Variants in CLEC17A observed in about 807,000 individuals in gnomAD.
CLEC17A encodes C-type lectin domain containing 17A.
Under a neutral mutation model 61.3 loss-of-function variants are expected in CLEC17A, and 37 were observed. The observed-to-expected ratio is 0.60, with a 90% CI of 0.46 to 0.79. The LOEUF is 0.79. Ranked by LOEUF, CLEC17A falls within the 30% of genes least tolerant of loss-of-function variation. The pLI, the probability that CLEC17A is intolerant of heterozygous loss-of-function variation, is 0.00. For synonymous variants in CLEC17A, 168 were observed against 164.9 expected (o/e 1.02, Z -0.14); for missense variants, 418 against 464.7 (o/e 0.90, Z 0.92).
chr19:14,596,760 G>C (rs1599551083), intron 8 of CLEC17A, 116 bp from the exon 9 acceptor site: 2 of 1,244,700 alleles, frequency 1.6e-6, no homozygotes, highest in East Asian at 2.5e-5. Context: ...TTCATCTGCT[G>C]AAACAGTCAT....
At chr19:14,599,944 T>C in intron 11 of CLEC17A, 87 bp from the exon 12 acceptor site, 3 of 1,550,690 alleles carry the variant, frequency 1.9e-6, no homozygotes, top group Non-Finnish European at 2.6e-6. Flanking sequence ...AGTTGAGCAG[T>C]GTACAGCCTG....
chr19:14,591,672 G>C (rs1385013726), intron 3 of CLEC17A, among the ~76,000 whole-genome samples: 2 of 151,688 alleles, frequency 1.3e-5, no homozygotes, highest in Non-Finnish European at 2.9e-5. Flanking sequence ...ACCTGCCTCA[G>C]CCTCACAAGT....
intron 13 of CLEC17A, 107 bp downstream of exon 13, chr19:14,607,209 C>CTTT (rs796728273): frequency 2.0e-4 from 59 of 300,124 alleles, no homozygotes; most frequent in Middle Eastern, 1.0e-3. Flanking sequence ...GGAGCTGTTT[C>CTTT]TTTTTTTTTT....
intron 12 of CLEC17A, among the ~76,000 whole-genome samples, chr19:14,601,120 C>T (rs1333677784): frequency 1.3e-5 from 2 of 151,472 alleles, no homozygotes. Context: ...CCAGGCTGTT[C>T]TCGAACTCCT....
At position 14,600,048 on chromosome 19, in the gene CLEC17A, T is replaced by C; in HGVS notation, c.760T>C (p.Cys254Arg). Residue 254 changes from cysteine to arginine, a missense_variant, in exon 12 of 14, where the codon TGT becomes CGT. Cys to Arg is a radical substitution (Grantham distance 180, BLOSUM62 -3). Transcript: ENST00000417570. ...WGLLDCRRIT[C>R]PEGWLPFEGK... Reference sequence around the variant, plus strand: ...GTTCCCAGACTGCCGCCGAATTACCTGTCCTGAAGGCTGGCTGCCCTTTGA... The same window carrying C: ...GTTCCCAGACTGCCGCCGAATTACCCGTCCTGAAGGCTGGCTGCCCTTTGA... 6.2e-7 allele frequency: 1 copy of C among 1,614,012 alleles called. No individual in the cohort carries two copies. The highest frequency in any genetic ancestry group is 8.5e-7 in the Non-Finnish European group (1 of 1,179,876).
At chr19:14,590,549 G>A (rs1420762127) in intron 3 of CLEC17A, among the ~76,000 whole-genome samples, 1 of 151,938 alleles carries the variant, frequency 6.6e-6, no homozygotes, top group Admixed American at 6.6e-5. Flanking sequence ...CACCGTGCCC[G>A]GCTAATTTTG....
intron 13 of CLEC17A, 120 bp from the exon 14 acceptor site, chr19:14,609,944 C>T (rs910410803): frequency 5.6e-5 from 39 of 701,766 alleles, no homozygotes; most frequent in Non-Finnish European, 8.5e-5. Flanking sequence ...GCTCCACACA[C>T]GGCCTAATAT....
Position 14,610,048 on chromosome 19 carries a change from T to C in CLEC17A, c.1005-16T>C. On this transcript the variant is annotated splice_polypyrimidine_tract_variant and intron_variant, in intron 13 of 13. Transcript: ENST00000417570. ...TAAAGATCCCTGTCCCTCTGCCCACTTTTTCCTCCATCCAGCTTCTGGGAG... is the reference window on the plus strand; with the variant it reads ...TAAAGATCCCTGTCCCTCTGCCCACCTTTTCCTCCATCCAGCTTCTGGGAG... 1 of 1,604,528 alleles carries C rather than the reference T, an allele frequency of 6.2e-7. No homozygotes were observed. The highest frequency in any genetic ancestry group is 1.1e-5 in the South Asian group (1 of 90,634).
chr19:14,590,882 G>T (rs1350486071), intron 3 of CLEC17A, among the ~76,000 whole-genome samples: 3 of 146,876 alleles, frequency 2.0e-5, no homozygotes, highest in Non-Finnish European at 4.5e-5. Flanking sequence ...TTTTTTTACA[G>T]AGATAGGGTC....
chr19:14,602,982 G>T (rs1288852776), intron 12 of CLEC17A, among the ~76,000 whole-genome samples: 2 of 152,140 alleles, frequency 1.3e-5, no homozygotes, highest in Non-Finnish European at 2.9e-5. Flanking sequence ...TGATCCACCT[G>T]CCTTGGCCTC....
rs763686899 is a variant in CLEC17A, at chr19:14,600,065, G to T, written c.777G>T (p.Leu259=). 5.6e-6 allele frequency: 9 copies of T among 1,613,914 alleles called. No individual in the cohort carries two copies. Among genetic ancestry groups the T allele is most frequent in the Admixed American group, 1.7e-5 (1 of 59,998 alleles). The change falls in exon 12 of 14, where the codon CTG becomes CTT. Residue 259 remains leucine (L), a synonymous_variant. Transcript: ENST00000417570. ...GAATTACCTGTCCTGAAGGCTGGCT[G>T]CCCTTTGAGGGCAAGTGTTACTACT... is the stretch of plus-strand genomic sequence containing the variant. ...CRRITCPEGW[L]PFEGKCYYFS... is the part of the protein sequence containing the mutation.
intron 12 of CLEC17A, among the ~76,000 whole-genome samples, chr19:14,600,723 A>G (rs2074685187): frequency 6.6e-6 from 1 of 150,742 alleles, no homozygotes; most frequent in South Asian, 2.1e-4. Context: ...CTGGGACTAC[A>G]GGTGCCCACC....
intron 12 of CLEC17A, among the ~76,000 whole-genome samples, chr19:14,605,512 C>T (rs917790648): frequency 2.6e-5 from 4 of 152,272 alleles, no homozygotes; most frequent in Middle Eastern, 3.4e-3. Context: ...TTGACAAATG[C>T]GTACACCTGT....
chr19:14,610,406 T>G lies in CLEC17A; in HGVS notation c.*210T>G, dbSNP rs988382773. On this transcript the variant is annotated 3_prime_UTR_variant, in exon 14 of 14. Coordinates refer to ENST00000417570, the MANE Select transcript of CLEC17A (RefSeq NM_001204118.2). ...GGGCTTGCCCTAGTAGATGGTGAGCTGGGAGGATGCTCAGAGCTTGGTGGT... is the reference window on the plus strand; with the variant it reads ...GGGCTTGCCCTAGTAGATGGTGAGCGGGGAGGATGCTCAGAGCTTGGTGGT... 1 of 607,994 alleles carries G rather than the reference T, an allele frequency of 1.6e-6. No homozygotes were observed. Among genetic ancestry groups the G allele is most frequent in the Non-Finnish European group, 2.8e-6 (1 of 352,794 alleles). 37.7% of individuals were successfully genotyped at this position (607,994 alleles called of 1,614,324 possible).
intron 2 of CLEC17A, among the ~76,000 whole-genome samples, chr19:14,586,465 C>G (rs984865045): frequency 6.6e-6 from 1 of 151,900 alleles, no homozygotes; most frequent in Admixed American, 6.6e-5. Flanking sequence ...CTCTGTTGCC[C>G]AGGCTGGAGT....
chr19:14,605,418 C>G (rs1216974752), intron 12 of CLEC17A, among the ~76,000 whole-genome samples: 2 of 152,066 alleles, frequency 1.3e-5, no homozygotes, highest in African/African-American at 4.8e-5. Context: ...TTTAAGGAAT[C>G]TTGGTTTGGT....
chr19:14,606,893 C>T (rs1364865951), intron 12 of CLEC17A, 100 bp from the exon 13 acceptor site: 5 of 451,278 alleles, frequency 1.1e-5, no homozygotes, highest in South Asian at 1.1e-4. Context: ...TGGGAGGTGA[C>T]GTTCCCAAGC....
chr19:14,582,869 A>G (rs34910573), upstream of CLEC17A, among the ~76,000 whole-genome samples: 13,168 of 152,054 alleles, frequency 0.087, 699 homozygotes, highest in African/African-American at 0.15. Flanking sequence ...CAGCCTCTAA[A>G]AGTGCTGGGA....
At chr19:14,583,548 C>T (rs929620016) in intron 2 of CLEC17A, 114 bp downstream of exon 2, 22 of 1,542,004 alleles carry the variant, frequency 1.4e-5, no homozygotes, top group African/African-American at 1.2e-4. Context: ...CAGCCCATGC[C>T]GGGCACTGTG....
Sources: gnomAD v4.1 joint callset for allele counts (sites outside exome capture counted in the v4.1 genomes callset) on GRCh38, gnomAD v4.1.1 for gene constraint, MANE v1.5 for transcripts, NCBI Gene and HGNC (gene_info 2026-07-23, HGNC 2026-07-21) for gene names.